SRP72: variants seen among roughly 807,000 people sequenced by gnomAD.
SRP72 encodes the protein signal recognition particle 72.
A neutral mutation model predicts 96.3 loss-of-function variants in SRP72; 49 were observed. That is an observed-to-expected ratio of 0.51 (90% CI 0.40 to 0.65). The LOEUF (loss-of-function observed/expected upper bound fraction) is 0.65. Ranked by LOEUF, SRP72 falls within the 30% of genes least tolerant of loss-of-function variation. The probability of loss-of-function intolerance (pLI) is 0.00; values close to 1 mark genes in which losing one functional copy is unlikely to be tolerated. For missense variants in SRP72, 736 were observed against 793.3 expected, an observed-to-expected ratio of 0.93 and a Z score of 0.87; for synonymous variants, 267 against 275.2, an observed-to-expected ratio of 0.97 and a Z score of 0.30.
chr4:56,497,479 A>T (rs888033831), intron 17 of SRP72, among the ~76,000 whole-genome samples: 1 of 152,094 alleles, frequency 6.6e-6, no homozygotes, highest in Non-Finnish European at 1.5e-5. Context: ...TCGGCCTCCC[A>T]AAGTGCTGGG....
chr4:56,502,051 C>T lies in SRP72; in HGVS notation c.*190C>T, dbSNP rs1311873914. On this transcript the variant is annotated 3_prime_UTR_variant, in exon 19 of 19. Coordinates refer to ENST00000642900, the MANE Select transcript of SRP72 (RefSeq NM_006947.4). ...GTGAGATATGGCCTACTGGTTGCCT[C>T]ATAGCTTTGTACAGATTATGAGGAC... 1 of 612,124 alleles carries T rather than the reference C, an allele frequency of 1.6e-6. No homozygotes were observed. The highest frequency in any genetic ancestry group is 2.9e-6 in the Non-Finnish European group (1 of 346,622). 37.9% of individuals were successfully genotyped at this position (612,124 alleles called of 1,614,324 possible).
Position 56,493,123 on chromosome 4 carries a change from C to T in SRP72, c.1640+1555C>T, listed in dbSNP as rs185878132. 3.9e-3 allele frequency among the ~76,000 whole-genome samples: 592 copies of T among 152,128 alleles called. 5 individuals carry two copies. Among genetic ancestry groups the T allele is most frequent in the African/African-American group, 0.013 (543 of 41,520 alleles). The stretch of plus-strand genomic sequence containing the variant: ...CTCAATCTCAGCTCACTGCAACCTC[C>T]GCCTCCTGGGTTCAAGCAATTCTCC... On this transcript the variant is annotated intron_variant, in intron 16 of 18. Transcript: ENST00000642900.
At position 56,476,664 on chromosome 4, in the gene SRP72, C is replaced by T. The variant is rs774972471; in HGVS notation, c.611-7C>T. The T allele has an allele frequency of 1.1e-5, 18 of 1,611,924 alleles. No homozygotes were observed. The highest frequency in any genetic ancestry group is 1.3e-5 in the African/African-American group (1 of 74,866). Reference sequence around the variant, plus strand: ...ATACTACTTTTAAAACAATTTTTCTCCTGTAGATCTTTGCCGCCGTTCATT... The same window carrying T: ...ATACTACTTTTAAAACAATTTTTCTTCTGTAGATCTTTGCCGCCGTTCATT... On this transcript the variant is annotated splice_polypyrimidine_tract_variant and splice_region_variant and intron_variant, in intron 5 of 18. Transcript: ENST00000642900.
intron 16 of SRP72, among the ~76,000 whole-genome samples, chr4:56,492,831 G>T (rs1186856930): frequency 6.6e-6 from 1 of 151,838 alleles, no homozygotes; most frequent in Non-Finnish European, 1.5e-5. Context: ...CTAAGGACAC[G>T]CAGTTCCTTC....
chr4:56,477,037 A>T (rs1032758442), intron 6 of SRP72: 4 of 209,814 alleles, frequency 1.9e-5, no homozygotes, highest in Non-Finnish European at 2.8e-5. Flanking sequence ...GACATAATTC[A>T]ACATTCCCAA....
At chr4:56,489,182 A>G (rs1024311297) in intron 12 of SRP72, 90 of 413,066 alleles carry the variant, frequency 2.2e-4, no homozygotes, top group Middle Eastern at 1.3e-3. Flanking sequence ...TTTTACAGAT[A>G]TCTACCTTCA....
intron 6 of SRP72, among the ~76,000 whole-genome samples, chr4:56,477,384 A>G (rs1720287802): frequency 6.9e-6 from 1 of 144,978 alleles, no homozygotes; most frequent in Non-Finnish European, 1.5e-5. Flanking sequence ...AGGTCACTGT[A>G]ACCTCAAACT....
chr4:56,496,413 A>T (rs1327529803), intron 17 of SRP72, among the ~76,000 whole-genome samples: 3 of 152,176 alleles, frequency 2.0e-5, no homozygotes, highest in African/African-American at 7.2e-5. Context: ...GTTTGTATCC[A>T]TTTCACTATC....
At chr4:56,492,640 G>T (rs961291204) in intron 16 of SRP72, among the ~76,000 whole-genome samples, 1 of 152,062 alleles carries the variant, frequency 6.6e-6, no homozygotes, top group African/African-American at 2.4e-5. Flanking sequence ...TTCATAAAAA[G>T]CATTGTTGTT....
In SRP72 at chr4:56,502,604, G is replaced by A. The variant is rs1358690090; in HGVS notation, c.*743G>A. On this transcript the variant is annotated 3_prime_UTR_variant, in exon 19 of 19. Coordinates refer to ENST00000642900, the MANE Select transcript of SRP72 (RefSeq NM_006947.4). ...GATACAGCACCATGAAAGAACTCAA[G>A]GAAAATATATCAATGTAAGAAGTTC... 5 of 151,108 alleles carry A rather than the reference G, an allele frequency of 3.3e-5. No homozygotes were observed. Among genetic ancestry groups the A allele is most frequent in the Non-Finnish European group, 7.4e-5 (5 of 67,842 alleles). 9.4% of individuals were successfully genotyped at this position (151,108 alleles called of 1,614,324 possible). A position where few individuals can be genotyped will look rare whatever the true frequency, so the allele number is the denominator to read the frequency against.
chr4:56,475,203 T>G (rs1720157911), intron 5 of SRP72, among the ~76,000 whole-genome samples: 1 of 152,122 alleles, frequency 6.6e-6, no homozygotes, highest in African/African-American at 2.4e-5. Flanking sequence ...TGTCAAATGT[T>G]GAAAGTTAAA....
At chr4:56,501,163 T>G (rs974054938) in intron 18 of SRP72, among the ~76,000 whole-genome samples, 1 of 152,212 alleles carries the variant, frequency 6.6e-6, no homozygotes, top group African/African-American at 2.4e-5. Context: ...ATCCCAGCAC[T>G]TTGGGAGGCC....
At chr4:56,498,031 A>T (rs189837745) in intron 17 of SRP72, among the ~76,000 whole-genome samples, 3 of 152,194 alleles carry the variant, frequency 2.0e-5, no homozygotes, top group Non-Finnish European at 2.9e-5. Flanking sequence ...TTCTTTCTAT[A>T]TTAAGGATTT....
intron 17 of SRP72, among the ~76,000 whole-genome samples, chr4:56,496,818 T>G (rs1381429043): frequency 6.6e-6 from 1 of 152,130 alleles, no homozygotes; most frequent in East Asian, 1.9e-4. Flanking sequence ...TGAAACCCCA[T>G]CTCTAGTACA....
At chr4:56,500,790 G>A (rs1467834568) in intron 18 of SRP72, 95 bp downstream of exon 18, 3 of 1,201,834 alleles carry the variant, frequency 2.5e-6, no homozygotes, top group Non-Finnish European at 3.4e-6. Context: ...TATAAAGTAT[G>A]AGAAATGTGA....
rs1342541977 is a variant in SRP72 at position 56,502,477 on chromosome 4, ATATATG to A, written c.*622_*627del. 7 of 102,522 alleles carry A rather than the reference ATATATG, an allele frequency of 6.8e-5. No individual in the cohort carries two copies. The Admixed American group carries it at 7.4e-4, about 11-fold the overall frequency. The allele number at this position is 102,522 out of a possible 1,614,324, so 6.4% of individuals were successfully genotyped here. A position where few individuals can be genotyped will look rare whatever the true frequency, so the allele number is the denominator to read the frequency against. On this transcript the variant is annotated 3_prime_UTR_variant, in exon 19 of 19. Coordinates refer to ENST00000642900, the MANE Select transcript of SRP72 (RefSeq NM_006947.4). The stretch of plus-strand genomic sequence containing the variant: ...ATACTTTTCATGTTTATATATATAT[ATATATG>A]TATATATATATACATATATATATAT...
chr4:56,489,398 T>G lies in SRP72; in HGVS notation c.1235T>G (p.Leu412Ter). ...LKHKPGMVSA[L>*]VTMYSHEEDI... ...CCTTTGGCTGTGTAGGTATCTGCATTAGTTACCATGTATAGCCATGAAGAA... is the reference window on the plus strand; with the variant it reads ...CCTTTGGCTGTGTAGGTATCTGCATGAGTTACCATGTATAGCCATGAAGAA... Residue 412 changes from leucine (L) to a stop codon, truncating the protein, a stop_gained, in exon 13 of 19, where the codon TTA becomes TGA. Coordinates refer to ENST00000642900, the MANE Select transcript of SRP72 (RefSeq NM_006947.4). LOFTEE classifies it high-confidence loss of function. The G allele has an allele frequency of 6.3e-7, 1 of 1,588,754 alleles. No homozygotes were observed. Among genetic ancestry groups the G allele is most frequent in the Non-Finnish European group, 8.6e-7 (1 of 1,161,754 alleles).
intron 8 of SRP72, among the ~76,000 whole-genome samples, chr4:56,479,202 C>T (rs563636149): frequency 3.3e-5 from 5 of 151,970 alleles, no homozygotes; most frequent in African/African-American, 9.7e-5. Context: ...TTTTTTGAGA[C>T]CGAGTCTCGC....
rs192217455 is a variant in SRP72, at chr4:56,470,854, G to A, written c.231-866G>A. Among the ~76,000 whole-genome samples the A allele has an allele frequency of 1.2e-4, 18 of 146,646 alleles. No homozygotes were observed. In the East Asian group the frequency reaches 3.6e-3, roughly 29 times the overall value. On this transcript the variant is annotated intron_variant, in intron 2 of 18. Transcript: ENST00000642900. ...TTTTTTTTTTTTTTTTTTGGGAGGA[G>A]TCTTGCTCTGTCGCCCAGGCTGGTG...
Sources: gnomAD v4.1 joint callset for allele counts (sites outside exome capture counted in the v4.1 genomes callset) on GRCh38, gnomAD v4.1.1 for gene constraint, MANE v1.5 for transcripts, NCBI Gene and HGNC (gene_info 2026-07-23, HGNC 2026-07-21) for gene names.